ITPR2: variants seen among roughly 807,000 people sequenced by gnomAD.
The protein encoded by ITPR2 is inositol 1,4,5-trisphosphate-gated calcium channel ITPR2.
ITPR2 carries 207 observed loss-of-function variants against 317.1 expected under a neutral mutation model. The observed-to-expected ratio is 0.65, with a 90% CI of 0.58 to 0.73. The LOEUF (loss-of-function observed/expected upper bound fraction) is 0.73, where lower values mean the gene tolerates loss of function less well. Among genes scored for constraint, ITPR2 ranks in the 30% least tolerant of loss-of-function variants. ITPR2 has a pLI of 0.00. For missense variants in ITPR2, 2,613 were observed against 3,284.0 expected, an observed-to-expected ratio of 0.80 and a Z score of 4.99; for synonymous variants, 1,156 against 1,149.1, an observed-to-expected ratio of 1.01 and a Z score of -0.12.
intron 2 of ITPR2, among the ~76,000 whole-genome samples, chr12:26,745,185 G>A (rs368739886): frequency 6.6e-6 from 1 of 152,220 alleles, no homozygotes; most frequent in African/African-American, 2.4e-5. Context: ...ATGAAAACAT[G>A]AGAACATAAA....
Position 26,427,982 on chromosome 12 carries a change from T to C in ITPR2, c.6876A>G (p.Val2292=). 1.9e-6 allele frequency: 3 copies of C among 1,613,128 alleles called. No homozygotes were observed. Among genetic ancestry groups the C allele is most frequent in the Non-Finnish European group, 2.5e-6 (3 of 1,179,454 alleles). ...SKPVGIRPFL[V]SIMLRSIYTI... ...TATATATTGATCTGAGCATTATTGA[T>C]ACAAGAAACGGCCGAATACCCACAG... The change falls in exon 49 of 57, where the codon GTA becomes GTG. Residue 2292 remains valine (V), a synonymous_variant. Coordinates refer to ENST00000381340, the MANE Select transcript of ITPR2 (RefSeq NM_002223.4).
chr12:26,505,867 A>G (rs1943171323), intron 37 of ITPR2, among the ~76,000 whole-genome samples: 1 of 152,142 alleles, frequency 6.6e-6, no homozygotes, highest in African/African-American at 2.4e-5. Flanking sequence ...AGGATGGCTG[A>G]TATTTGTTGT....
intron 2 of ITPR2, among the ~76,000 whole-genome samples, chr12:26,782,943 T>A (rs1277766627): frequency 6.6e-6 from 1 of 152,224 alleles, no homozygotes; most frequent in Admixed American, 6.5e-5. Flanking sequence ...TTAGACAAGC[T>A]TGACATGTTC....
intron 55 of ITPR2, among the ~76,000 whole-genome samples, chr12:26,385,192 T>C (rs1458806912): frequency 1.3e-5 from 2 of 152,186 alleles, no homozygotes; most frequent in African/African-American, 4.8e-5. Context: ...ACTGGTTTGA[T>C]ACTCCTGGCT....
intron 31 of ITPR2, among the ~76,000 whole-genome samples, chr12:26,596,576 G>C (rs948599585): frequency 1.3e-5 from 2 of 151,240 alleles, no homozygotes; most frequent in African/African-American, 4.9e-5. Context: ...GAACCCAAGA[G>C]GTGGAGGCTG....
At chr12:26,529,056 A>G (rs1476708735) in intron 37 of ITPR2, among the ~76,000 whole-genome samples, 1 of 152,162 alleles carries the variant, frequency 6.6e-6, no homozygotes, top group Non-Finnish European at 1.5e-5. Flanking sequence ...CTAAGCCTCC[A>G]TCATGTCTCA....
At chr12:26,790,084 T>C in intron 2 of ITPR2, 73 bp downstream of exon 2, 4 of 961,506 alleles carry the variant, frequency 4.2e-6, no homozygotes, top group Non-Finnish European at 6.7e-6. Context: ...AGTTTTAACA[T>C]TACTTACTTT....
chr12:26,712,651 ACACACACACACACAC>A lies in ITPR2; in HGVS notation c.856-1398_856-1384del, dbSNP rs1339342375. Reference sequence around the variant, plus strand: ...GTCTCAAATACACACACACACACACACACACACACACACACACACACACAATTTTGTGGTTTGTAT... The same window carrying A: ...GTCTCAAATACACACACACACACACAACACACACAATTTTGTGGTTTGTAT... On this transcript the variant is annotated intron_variant, in intron 8 of 56. Coordinates refer to ENST00000381340, the MANE Select transcript of ITPR2 (RefSeq NM_002223.4). Among the ~76,000 whole-genome samples, 14 of 71,228 alleles carry A rather than the reference ACACACACACACACAC, an allele frequency of 2.0e-4. No individual in the cohort carries two copies. In the South Asian group the frequency reaches 4.9e-3, roughly 25 times the overall value. The allele number at this position is 71,228 out of a possible 152,430, so 46.7% of individuals were successfully genotyped here.
intron 37 of ITPR2, among the ~76,000 whole-genome samples, chr12:26,507,853 C>CTGTGTGTGTGTGTGTG (rs541133629): frequency 2.9e-4 from 31 of 107,514 alleles, no homozygotes; most frequent in Non-Finnish European, 6.5e-4. Flanking sequence ...CTACTCTTCT[C>CTGTGTGTGTGTGTGTG]TCTCTGTCTC....
chr12:26,658,208 A>C (rs1201654982), intron 16 of ITPR2, 78 bp from the exon 17 acceptor site: 1 of 969,792 alleles, frequency 1.0e-6, no homozygotes, highest in African/African-American at 1.7e-5. Context: ...CATAATTTGG[A>C]ATATAATAAA....
At chr12:26,613,166 C>G (rs12422691) in intron 26 of ITPR2, among the ~76,000 whole-genome samples, 1 of 152,120 alleles carries the variant, frequency 6.6e-6, no homozygotes, top group Admixed American at 6.5e-5. Context: ...ATGAAAACAA[C>G]GGGACTGAAA....
Position 26,732,517 on chromosome 12 carries a change from C to T in ITPR2, c.164-6752G>A, listed in dbSNP as rs578099749. ...TTCAATACAGTTTACTACCATGGAG[C>T]GCTTTGTAAACTATAAACAGCACTA... On this transcript the variant is annotated intron_variant, in intron 2 of 56. Coordinates refer to ENST00000381340, the MANE Select transcript of ITPR2 (RefSeq NM_002223.4). 1.2e-3 allele frequency among the ~76,000 whole-genome samples: 188 copies of T among 152,280 alleles called. 3 individuals are homozygous for T. Among genetic ancestry groups the T allele is most frequent in the Non-Finnish European group, 3.2e-4 (22 of 68,014 alleles).
At chr12:26,589,573 G>A (rs1280555766) in intron 32 of ITPR2, among the ~76,000 whole-genome samples, 2 of 151,260 alleles carry the variant, frequency 1.3e-5, no homozygotes, top group Non-Finnish European at 2.9e-5. Flanking sequence ...CAGATCACGA[G>A]GTCAGGGGTT....
chr12:26,360,675 A>G (rs1938796918), intron 55 of ITPR2, among the ~76,000 whole-genome samples: 1 of 152,230 alleles, frequency 6.6e-6, no homozygotes. Flanking sequence ...TGCCAACGTT[A>G]GTAGCCAAGA....
intron 2 of ITPR2, among the ~76,000 whole-genome samples, chr12:26,761,917 C>T (rs567351439): frequency 1.4e-4 from 22 of 152,242 alleles, no homozygotes; most frequent in African/African-American, 5.3e-4. Flanking sequence ...AAGAACTAAA[C>T]AGAAATTCTG....
At chr12:26,752,728 T>G (rs1028189799) in intron 2 of ITPR2, among the ~76,000 whole-genome samples, 3 of 152,172 alleles carry the variant, frequency 2.0e-5, no homozygotes, top group East Asian at 3.8e-4. Flanking sequence ...CCTGAATTCT[T>G]TCATGCACAA....
chr12:26,393,680 T>G lies in ITPR2; in HGVS notation c.7696+5196A>C, dbSNP rs184407738. On this transcript the variant is annotated intron_variant, in intron 54 of 56. Coordinates refer to ENST00000381340, the MANE Select transcript of ITPR2 (RefSeq NM_002223.4). ...TTACACTTAGTTTAAATTACTTAAG[T>G]GTTTCCTCAGATTTCTGAATAAACA... Among the ~76,000 whole-genome samples the G allele has an allele frequency of 4.5e-3, 693 of 152,370 alleles. 8 individuals are homozygous for G. The highest frequency in any genetic ancestry group is 0.016 in the African/African-American group (646 of 41,586).
chr12:26,641,270 T>C (rs3782300), intron 21 of ITPR2, among the ~76,000 whole-genome samples: 26,279 of 151,918 alleles, frequency 0.17, 3,550 homozygotes, highest in East Asian at 0.55. Flanking sequence ...TAATATGACC[T>C]GAAAAATAAC....
chr12:26,533,360 T>C (rs1943995666), intron 37 of ITPR2, among the ~76,000 whole-genome samples: 2 of 152,180 alleles, frequency 1.3e-5, no homozygotes, highest in African/African-American at 2.4e-5. Context: ...ACTTAAACAA[T>C]AATGTTTAGA....
Sources: allele counts gnomAD v4.1 joint callset (sites outside exome capture counted in the v4.1 genomes callset), GRCh38; gene constraint gnomAD v4.1.1; transcripts MANE v1.5; gene names NCBI Gene and HGNC (gene_info 2026-07-23, HGNC 2026-07-21).